The following CPXM2 variants were observed in gnomAD, a reference collection of about 807,000 sequenced individuals.
CPXM2 encodes inactive carboxypeptidase-like protein X2.
CPXM2 carries 66 observed loss-of-function variants against 86.1 expected under a neutral mutation model. That is an observed-to-expected ratio of 0.77 (90% CI 0.63 to 0.94). CPXM2 has a LOEUF of 0.94. Among genes scored for constraint, CPXM2 ranks in the 40% least tolerant of loss-of-function variants. CPXM2 has a pLI of 0.00. For synonymous variants in CPXM2, 388 were observed against 400.2 expected, an observed-to-expected ratio of 0.97 and a Z score of 0.36; for missense variants, 948 against 1,026.3, an observed-to-expected ratio of 0.92 and a Z score of 1.04.
chr10:123,851,017 T>A (rs1243458003), intron 3 of CPXM2, among the ~76,000 whole-genome samples: 1 of 152,244 alleles, frequency 6.6e-6, no homozygotes, highest in African/African-American at 2.4e-5. Context: ...CTTGATATTA[T>A]CCTTTTTTCA....
chr10:123,843,121 T>C (rs1169572361), intron 3 of CPXM2: 1 of 166,218 alleles, frequency 6.0e-6, no homozygotes, highest in African/African-American at 2.5e-5. Context: ...CCAAAAATTC[T>C]TTTTTTTTTT....
Position 123,880,596 on chromosome 10 carries a change from A to G in CPXM2, c.305-287T>C, listed in dbSNP as rs145379140. Among the ~76,000 whole-genome samples, 1,207 of 152,180 alleles carry G rather than the reference A, an allele frequency of 7.9e-3. 6 individuals carry two copies. Among genetic ancestry groups the G allele is most frequent in the African/African-American group, 0.023 (939 of 41,524 alleles). ...TGTAATCCCAGCACTTTGGGAGGCT[A>G]AGGCGGGTGGATCACAAGGTCAGGA... On this transcript the variant is annotated intron_variant, in intron 1 of 13. Transcript: ENST00000241305.
chr10:123,926,407 A>T (rs1945622082), intron 2 of CPXM2, among the ~76,000 whole-genome samples: 1 of 152,206 alleles, frequency 6.6e-6, no homozygotes, highest in Non-Finnish European at 1.5e-5. Context: ...CACCTAGCAC[A>T]GTTTATTGGA....
chr10:123,926,352 C>T (rs1468006188), intron 2 of CPXM2, among the ~76,000 whole-genome samples: 4 of 152,218 alleles, frequency 2.6e-5, no homozygotes, highest in East Asian at 1.9e-4. Flanking sequence ...GGCTTGGATG[C>T]TCCTCCTGGG....
At chr10:123,897,103 G>A (rs1329250213) in intron 2 of CPXM2, among the ~76,000 whole-genome samples, 1 of 149,666 alleles carries the variant, frequency 6.7e-6, no homozygotes, top group Non-Finnish European at 1.5e-5. Flanking sequence ...CCTAGTGGTG[G>A]CTGGATCCTT....
At chr10:123,923,394 C>G (rs1373901408) in intron 2 of CPXM2, among the ~76,000 whole-genome samples, 1 of 144,734 alleles carries the variant, frequency 6.9e-6, no homozygotes, top group African/African-American at 2.6e-5. Context: ...TCCTGGCTAA[C>G]ACAGTGAAAC....
chr10:123,859,189 G>C (rs1355907615), intron 3 of CPXM2, among the ~76,000 whole-genome samples: 2 of 152,168 alleles, frequency 1.3e-5, no homozygotes, highest in Non-Finnish European at 2.9e-5. Flanking sequence ...GACATCTTGG[G>C]GTTTCTCGAT....
At position 123,821,984 on chromosome 10, in the gene CPXM2, C is replaced by T. The variant is rs148529596; in HGVS notation, c.653+20365G>A. On this transcript the variant is annotated intron_variant, in intron 4 of 13. Coordinates refer to ENST00000241305, the MANE Select transcript of CPXM2 (RefSeq NM_198148.3). The stretch of plus-strand genomic sequence containing the variant: ...CCAGGGACTTATAACATTTTAAACA[C>T]CAGAATAATTATTAGATAAGACAGG... 2.4e-3 allele frequency among the ~76,000 whole-genome samples: 367 copies of T among 152,222 alleles called. 2 individuals carry two copies. The highest frequency in any genetic ancestry group is 8.5e-3 in the African/African-American group (355 of 41,538).
Position 123,798,130 on chromosome 10 carries a change from T to C in CPXM2, c.739-4A>G, listed in dbSNP as rs767036471. The C allele has an allele frequency of 3.1e-6, 5 of 1,592,498 alleles. No individual in the cohort carries two copies. The highest frequency in any genetic ancestry group is 1.7e-4 in the Middle Eastern group (1 of 5,972). ...TCTCACTGTTTCCCTCAAATATCTATTTATGCTCATGGGAGAAAAGGAAAA... is the reference window on the plus strand; with the variant it reads ...TCTCACTGTTTCCCTCAAATATCTACTTATGCTCATGGGAGAAAAGGAAAA... On this transcript the variant is annotated splice_polypyrimidine_tract_variant and splice_region_variant and intron_variant, in intron 5 of 13. Transcript: ENST00000241305.
intron 4 of CPXM2, among the ~76,000 whole-genome samples, chr10:123,817,632 A>G (rs1323974231): frequency 6.6e-6 from 1 of 152,168 alleles, no homozygotes; most frequent in Non-Finnish European, 1.5e-5. Context: ...GCAGCTCCTA[A>G]AGACACAAGT....
chr10:123,846,126 G>A (rs1198624035), intron 3 of CPXM2, among the ~76,000 whole-genome samples: 2 of 152,132 alleles, frequency 1.3e-5, no homozygotes, highest in African/African-American at 2.4e-5. Flanking sequence ...CCACCATCTG[G>A]GGGTGGGGGA....
chr10:123,748,493 T>C (rs948734665), intron 13 of CPXM2, among the ~76,000 whole-genome samples: 1 of 152,092 alleles, frequency 6.6e-6, no homozygotes, highest in East Asian at 1.9e-4. Flanking sequence ...CCCCGTGCAA[T>C]ACACTGAGCT....
At chr10:123,849,676 G>A (rs886714589) in intron 3 of CPXM2, among the ~76,000 whole-genome samples, 3 of 152,130 alleles carry the variant, frequency 2.0e-5, no homozygotes, top group African/African-American at 7.2e-5. Flanking sequence ...ACCTCCCAAA[G>A]TGCTGGGATT....
chr10:123,828,679 C>T (rs1406803399), intron 4 of CPXM2, among the ~76,000 whole-genome samples: 2 of 152,198 alleles, frequency 1.3e-5, no homozygotes, highest in African/African-American at 4.8e-5. Context: ...AACTAATACA[C>T]AAACCTTGAC....
chr10:123,830,213 A>T (rs1267144532), intron 4 of CPXM2, among the ~76,000 whole-genome samples: 5 of 152,188 alleles, frequency 3.3e-5, no homozygotes, highest in Non-Finnish European at 7.3e-5. Context: ...GTGACAAGAA[A>T]GGGAATAATT....
intron 2 of CPXM2, among the ~76,000 whole-genome samples, chr10:123,901,429 TTGTGTGTG>T (rs3069582): frequency 6.1e-4 from 85 of 139,040 alleles, no homozygotes; most frequent in East Asian, 3.5e-3. Flanking sequence ...CCAAGCAAGT[TTGTGTGTG>T]TGTGTGTGTG....
chr10:123,907,756 C>G (rs983409946), intron 2 of CPXM2, among the ~76,000 whole-genome samples: 1 of 134,336 alleles, frequency 7.4e-6, no homozygotes, highest in African/African-American at 2.8e-5. Flanking sequence ...AGGGACTGGA[C>G]CCCGCAAGGC....
intron 4 of CPXM2, among the ~76,000 whole-genome samples, chr10:123,806,855 C>T (rs1847590003): frequency 6.6e-6 from 1 of 152,050 alleles, no homozygotes; most frequent in Non-Finnish European, 1.5e-5. Flanking sequence ...CCGGTCACCT[C>T]CCACCACGTC....
intron 2 of CPXM2, among the ~76,000 whole-genome samples, chr10:123,866,408 TACAAA>T (rs1848981784): frequency 6.7e-6 from 1 of 148,874 alleles, no homozygotes; most frequent in African/African-American, 2.5e-5. Flanking sequence ...TACTAAAAAA[TACAAA>T]AAATCAGCCA....
Sources: gnomAD v4.1 joint callset for allele counts (sites outside exome capture counted in the v4.1 genomes callset) on GRCh38, gnomAD v4.1.1 for gene constraint, MANE v1.5 for transcripts, NCBI Gene and HGNC (gene_info 2026-07-23, HGNC 2026-07-21) for gene names.